VWA8: variants seen among roughly 807,000 people sequenced by gnomAD.
The protein encoded by VWA8 is von Willebrand factor A domain-containing protein 8.
Under a neutral mutation model 241.5 loss-of-function variants are expected in VWA8, and 221 were observed. That is an observed-to-expected ratio of 0.91 (90% CI 0.82 to 1.02). The LOEUF (loss-of-function observed/expected upper bound fraction) is 1.02, where lower values mean the gene tolerates loss of function less well. Ranked by LOEUF, VWA8 falls within the 50% of genes least tolerant of loss-of-function variation. The pLI, the probability that VWA8 is intolerant of heterozygous loss-of-function variation, is 0.00. For missense variants in VWA8, 2,322 were observed against 2,328.7 expected (o/e 1.00, Z 0.06); for synonymous variants, 852 against 827.1 (o/e 1.03, Z -0.52).
chr13:41,596,564 A>G (rs770410635), intron 40 of VWA8, among the ~76,000 whole-genome samples: 1 of 152,092 alleles, frequency 6.6e-6, no homozygotes. Context: ...GTATCCCTGT[A>G]AATATGTCCA....
At chr13:41,670,433 T>C (rs998388674) in intron 37 of VWA8, among the ~76,000 whole-genome samples, 4 of 151,976 alleles carry the variant, frequency 2.6e-5, no homozygotes, top group African/African-American at 7.3e-5. Flanking sequence ...GGTCTACTTA[T>C]TGTTGACTAC....
At chr13:41,830,058 A>C (rs369374649) in intron 14 of VWA8, among the ~76,000 whole-genome samples, 127 of 152,154 alleles carry the variant, frequency 8.3e-4, no homozygotes, top group South Asian at 3.5e-3. Context: ...CTGGCTAACA[A>C]GGTGAAACCC....
chr13:41,703,846 C>T (rs1321322962), intron 26 of VWA8, among the ~76,000 whole-genome samples: 4 of 145,448 alleles, frequency 2.8e-5, no homozygotes, highest in Admixed American at 7.1e-5. Flanking sequence ...TGTGTGATAT[C>T]GGCTCACCAC....
intron 43 of VWA8, among the ~76,000 whole-genome samples, chr13:41,573,610 C>CGCATATATATATATAT (rs1555303640): frequency 7.1e-6 from 1 of 140,190 alleles, no homozygotes; most frequent in Admixed American, 7.1e-5. Context: ...TATATATACG[C>CGCATATATATATATAT]ATATATATGG....
At chr13:41,665,799 C>T (rs1032536531) in intron 37 of VWA8, among the ~76,000 whole-genome samples, 2 of 152,042 alleles carry the variant, frequency 1.3e-5, no homozygotes, top group Non-Finnish European at 2.9e-5. Context: ...TATGGTAACA[C>T]AATTATCCTA....
chr13:41,680,903 A>G (rs1232547003), intron 35 of VWA8, among the ~76,000 whole-genome samples: 1 of 152,220 alleles, frequency 6.6e-6, no homozygotes, highest in African/African-American at 2.4e-5. Context: ...AAATAAAAGT[A>G]GAACTATCAG....
chr13:41,883,605 TG>T, intron 8 of VWA8, 114 bp from the exon 9 acceptor site: 2 of 694,514 alleles, frequency 2.9e-6, no homozygotes, highest in Non-Finnish European at 2.4e-6. Context: ...AATAGGTGTC[TG>T]GTATTTTCTG....
At chr13:41,846,826 C>T (rs1391568551) in intron 12 of VWA8, among the ~76,000 whole-genome samples, 1 of 152,110 alleles carries the variant, frequency 6.6e-6, no homozygotes, top group Admixed American at 6.5e-5. Context: ...CACCTGAGGC[C>T]AGGAGTTCAA....
chr13:41,830,665 C>A (rs373528445), intron 13 of VWA8, 23 bp from the exon 14 acceptor site: 1 of 1,599,178 alleles, frequency 6.3e-7, no homozygotes. Context: ...GAAAAAAGCC[C>A]GAAAATAAAT....
intron 26 of VWA8, chr13:41,719,234 A>T: frequency 3.5e-6 from 2 of 578,558 alleles, no homozygotes; most frequent in Non-Finnish European, 4.5e-6. Context: ...ATATCAACTA[A>T]ATGTACATTA....
At chr13:41,806,429 C>T (rs1021181391) in intron 17 of VWA8, among the ~76,000 whole-genome samples, 23 of 152,086 alleles carry the variant, frequency 1.5e-4, no homozygotes, top group African/African-American at 4.6e-4. Context: ...ATAGGCTGGG[C>T]GCAGTGGCTC....
intron 8 of VWA8, among the ~76,000 whole-genome samples, chr13:41,884,894 CAT>C: frequency 5.0e-4 from 1 of 1,992 alleles, no homozygotes; most frequent in African/African-American, 5.8e-4. Context: ...TACATATATA[CAT>C]ACATACATAC....
At chr13:41,772,759 C>G (rs1053730565) in intron 20 of VWA8, among the ~76,000 whole-genome samples, 1 of 152,184 alleles carries the variant, frequency 6.6e-6, no homozygotes, top group African/African-American at 2.4e-5. Flanking sequence ...CTTTATTTTA[C>G]TATGACAAGT....
At chr13:41,703,463 GA>G in intron 26 of VWA8, 52 bp from the exon 27 acceptor site, 3 of 1,528,186 alleles carry the variant, frequency 2.0e-6, no homozygotes, top group South Asian at 2.3e-5. Context: ...CCAAGTCATA[GA>G]AAAAAATAAC....
chr13:41,804,316 T>C lies in VWA8; in HGVS notation c.2063+6909A>G, dbSNP rs1870088846. Among the ~76,000 whole-genome samples the C allele has an allele frequency of 2.6e-5, 4 of 152,246 alleles. No homozygotes were observed. The South Asian group carries it at 8.3e-4, about 32-fold the overall frequency. On this transcript the variant is annotated intron_variant, in intron 17 of 44. Coordinates refer to ENST00000379310, the MANE Select transcript of VWA8 (RefSeq NM_015058.2). ...AGCTTCACTAGGTTTGGCAGCTGAC[T>C]TCTGAGTGGAAACTTTACAGGCCAG...
chr13:41,776,641 T>C (rs1375671053), intron 20 of VWA8, among the ~76,000 whole-genome samples: 4 of 152,236 alleles, frequency 2.6e-5, no homozygotes, highest in Admixed American at 2.6e-4. Flanking sequence ...AACTGAGCAC[T>C]GTGTGAAGCA....
chr13:41,747,633 A>G (rs1423896789), intron 21 of VWA8, among the ~76,000 whole-genome samples: 21 of 151,904 alleles, frequency 1.4e-4, no homozygotes, highest in Non-Finnish European at 2.9e-5. Flanking sequence ...TTCCAACACT[A>G]TGTTGAATAG....
At chr13:41,956,309 G>C (rs1275831282) in intron 1 of VWA8, among the ~76,000 whole-genome samples, 1 of 152,278 alleles carries the variant, frequency 6.6e-6, no homozygotes, top group East Asian at 1.9e-4. Context: ...ATCACCTTGG[G>C]TTGAGAACTA....
rs1869012996 is a variant in VWA8, at chr13:41,783,841, T to C, written c.2231A>G (p.His744Arg). 3.7e-6 allele frequency: 6 copies of C among 1,613,678 alleles called. No individual in the cohort carries two copies. Among genetic ancestry groups the C allele is most frequent in the African/African-American group, 2.7e-5 (2 of 74,912 alleles). ...GAVSAPIYNAHEKMKVPDVLF... is the reference protein window; with the variant it reads ...GAVSAPIYNAREKMKVPDVLF... ...AACATCAGGCACTTTCATTTTCTCA[T>C]GTGCATTATAGATCGGTGCACTAAC... is the stretch of plus-strand genomic sequence containing the variant. Residue 744 changes from histidine (H) to arginine (R), a missense_variant, in exon 19 of 45, where the codon CAT (histidine) becomes CGT (arginine). By Grantham distance (29) the His-to-Arg change is conservative. Coordinates refer to ENST00000379310, the MANE Select transcript of VWA8 (RefSeq NM_015058.2).
Sources: gnomAD v4.1 joint callset for allele counts (sites outside exome capture counted in the v4.1 genomes callset) on GRCh38, gnomAD v4.1.1 for gene constraint, MANE v1.5 for transcripts, NCBI Gene and HGNC (gene_info 2026-07-23, HGNC 2026-07-21) for gene names.